AVEN: variants seen among roughly 807,000 people sequenced by gnomAD.
The protein encoded by AVEN is apoptosis and caspase activation inhibitor, also known as cell death regulator Aven.
Under a neutral mutation model 38.1 loss-of-function variants are expected in AVEN, and 41 were observed. The ratio of observed to expected loss-of-function variants is 1.08; its 90% confidence interval spans 0.84 to 1.40. AVEN has a LOEUF of 1.40. AVEN is among the 40% of genes most tolerant of loss of function. The pLI is 0.00. For missense variants in AVEN, 605 were observed against 438.8 expected (o/e 1.38, Z -3.38); for synonymous variants, 206 against 171.8 (o/e 1.20, Z -1.56).
chr15:33,942,168 A>G (rs1170474667), intron 2 of AVEN, among the ~76,000 whole-genome samples: 3 of 152,308 alleles, frequency 2.0e-5, no homozygotes, highest in Admixed American at 2.0e-4. Flanking sequence ...AATTACAGCT[A>G]TTACTAAATA....
At chr15:34,040,835 G>T (rs1274097670), upstream of AVEN, among the ~76,000 whole-genome samples, 1 of 151,770 alleles carries the variant, frequency 6.6e-6, no homozygotes, top group East Asian at 1.9e-4. Context: ...AGAATCATTT[G>T]AGCCCAGGAG....
intron 2 of AVEN, among the ~76,000 whole-genome samples, chr15:33,937,377 CA>C (rs1894120309): frequency 6.6e-6 from 1 of 151,130 alleles, no homozygotes; most frequent in Non-Finnish European, 1.5e-5. Flanking sequence ...ACTAAAAATA[CA>C]AAAAATTAGC....
intron 2 of AVEN, among the ~76,000 whole-genome samples, chr15:33,973,231 A>G (rs913250076): frequency 1.3e-4 from 20 of 152,194 alleles, no homozygotes; most frequent in African/African-American, 4.8e-4. Flanking sequence ...AGCACTGAAT[A>G]ATGTGTTCTT....
At chr15:33,969,929 AG>A (rs1018592370) in intron 2 of AVEN, among the ~76,000 whole-genome samples, 23 of 152,060 alleles carry the variant, frequency 1.5e-4, no homozygotes, top group Admixed American at 9.2e-4. Flanking sequence ...CTGCATAATG[AG>A]ACTTCTAGAG....
At position 34,063,961 on chromosome 15, in the gene AVEN, C is replaced by T. The variant is rs193093417; in HGVS notation, n.1127-529G>A. 2.4e-5 allele frequency: 38 copies of T among 1,614,110 alleles called. No homozygotes were observed. Among genetic ancestry groups the T allele is most frequent in the Middle Eastern group, 1.6e-4 (1 of 6,062 alleles). On this transcript the variant is annotated intron_variant and non_coding_transcript_variant, in intron 4 of 11. Coordinates refer to the AVEN transcript ENST00000675287. This position sits in a 1 kb window ranked among gnomAD's most constrained non-coding sequence, Gnocchi z 4.1. ...TTCCCAGTGGCCAAGGAACCTTCAA[C>T]GAAAGGCCTCAATCCCAACCCCAGC...
chr15:34,052,991 A>C (rs1899983984), intron 5 of AVEN, among the ~76,000 whole-genome samples: 1 of 152,076 alleles, frequency 6.6e-6, no homozygotes, highest in South Asian at 2.1e-4. Flanking sequence ...ATTAGAAAAA[A>C]ACTACTTAAA....
intron 5 of AVEN, among the ~76,000 whole-genome samples, chr15:34,048,258 A>G (rs1346773484): frequency 6.6e-6 from 1 of 152,178 alleles, no homozygotes; most frequent in African/African-American, 2.4e-5. Flanking sequence ...CACTCCAGCC[A>G]GGGTTATATG....
At chr15:33,999,093 A>G (rs1897046187) in intron 2 of AVEN, among the ~76,000 whole-genome samples, 1 of 152,208 alleles carries the variant, frequency 6.6e-6, no homozygotes, top group Admixed American at 6.5e-5. Flanking sequence ...GTTCTACCCT[A>G]GAAGGTTGAC....
chr15:33,855,008 G>A (rs1021525896), downstream of AVEN: 1 of 1,242,330 alleles, frequency 8.0e-7, no homozygotes, highest in Non-Finnish European at 1.1e-6. Context: ...GAAGGAATAT[G>A]TCTTGGTATA....
intron 2 of AVEN, among the ~76,000 whole-genome samples, chr15:33,999,180 G>A (rs1461581271): frequency 6.6e-6 from 1 of 152,234 alleles, no homozygotes; most frequent in Non-Finnish European, 1.5e-5. Context: ...GAGGGAGGAA[G>A]AGAATGTTTA....
At chr15:33,862,005 A>G (rs1298121634), downstream of AVEN, among the ~76,000 whole-genome samples, 2 of 152,196 alleles carry the variant, frequency 1.3e-5, no homozygotes, top group Non-Finnish European at 2.9e-5. Context: ...TCTACGGTAA[A>G]GCATTCACTG....
At chr15:33,938,899 T>C (rs768971193) in intron 2 of AVEN, among the ~76,000 whole-genome samples, 4 of 151,996 alleles carry the variant, frequency 2.6e-5, no homozygotes, top group Non-Finnish European at 4.4e-5. Context: ...TGGAATGCAA[T>C]GGCGCCATCT....
chr15:33,957,507 A>T (rs1472541003), intron 2 of AVEN, among the ~76,000 whole-genome samples: 1 of 152,212 alleles, frequency 6.6e-6, no homozygotes, highest in Non-Finnish European at 1.5e-5. Context: ...TACCCAAGAG[A>T]AATGAAAACA....
At chr15:33,860,495 A>C (rs1887778872) in intron 11 of AVEN, 19 of 642,438 alleles carry the variant, frequency 3.0e-5, no homozygotes, top group Middle Eastern at 2.6e-4. Flanking sequence ...TTGATAATTC[A>C]CTTTTTTTTT....
intron 2 of AVEN, among the ~76,000 whole-genome samples, chr15:33,952,858 GAA>G (rs60788032): frequency 3.3e-5 from 3 of 91,676 alleles, no homozygotes; most frequent in African/African-American, 4.1e-5. Context: ...AGGCTAAAGA[GAA>G]AAAAAAAAAA....
intron 2 of AVEN, among the ~76,000 whole-genome samples, chr15:33,897,561 C>T (rs889539112): frequency 2.0e-5 from 3 of 152,178 alleles, no homozygotes; most frequent in South Asian, 2.1e-4. Context: ...TAAGCCACCG[C>T]GCCCGGCCAT....
At chr15:34,046,649 A>C (rs760745275) in intron 5 of AVEN, 2 of 152,294 alleles carry the variant, frequency 1.3e-5, no homozygotes, top group Admixed American at 6.5e-5. Context: ...AAATATGGCC[A>C]AGATGGCGGA....
intron 2 of AVEN, among the ~76,000 whole-genome samples, chr15:33,958,401 G>A (rs552359793): frequency 7.2e-5 from 11 of 152,056 alleles, no homozygotes; most frequent in South Asian, 2.1e-4. Context: ...CCAACATGGC[G>A]AAACCCCATC....
chr15:33,955,156 C>A (rs899858025), intron 2 of AVEN, among the ~76,000 whole-genome samples: 7 of 152,036 alleles, frequency 4.6e-5, no homozygotes, highest in Admixed American at 2.6e-4. Context: ...ACTATACAAT[C>A]TTTGCTGGTC....
Sources: allele counts gnomAD v4.1 joint callset (sites outside exome capture counted in the v4.1 genomes callset), GRCh38; gene constraint gnomAD v4.1.1; non-coding constraint Gnocchi (gnomAD v3.1); transcripts MANE v1.5; gene names NCBI Gene and HGNC (gene_info 2026-07-23, HGNC 2026-07-21).